The following UNK variants were observed in gnomAD, a reference collection of about 807,000 sequenced individuals.
The protein encoded by UNK is unk zinc finger.
UNK carries 32 observed loss-of-function variants against 97.6 expected under a neutral mutation model. The observed-to-expected ratio is 0.33, with a 90% CI of 0.25 to 0.44. UNK has a LOEUF of 0.44. UNK is among the 20% of genes least tolerant of loss of function. The pLI is 1.00. For missense variants in UNK, 771 were observed against 1,098.4 expected, an observed-to-expected ratio of 0.70 and a Z score of 4.21; for synonymous variants, 441 against 461.2, an observed-to-expected ratio of 0.96 and a Z score of 0.56.
Position 75,822,458 on chromosome 17 carries a change from C to A in UNK, c.1838-19C>A. On this transcript the variant is annotated intron_variant, in intron 13 of 15. Coordinates refer to ENST00000589666, the MANE Select transcript of UNK (RefSeq NM_001080419.3). ...CCCAAAGCCCTCCGGAGCTGATGTT[C>A]TTCCCCTCCTTGGGGCAGGTCTGAA... The A allele has an allele frequency of 6.3e-7, 1 of 1,596,568 alleles. No individual in the cohort carries two copies. The highest frequency in any genetic ancestry group is 8.5e-7 in the Non-Finnish European group (1 of 1,170,264).
chr17:75,812,251 G>T lies in UNK; in HGVS notation c.454G>T (p.Gly152Trp). The T allele has an allele frequency of 6.2e-7, 1 of 1,613,754 alleles. No homozygotes were observed. The highest frequency in any genetic ancestry group is 8.5e-7 in the Non-Finnish European group (1 of 1,179,710). Reference protein sequence around the residue: ...KNGLHCAFAHGPHDLRSPVYD... With the variant: ...KNGLHCAFAHWPHDLRSPVYD... ...CGGCCTGCACTGCGCTTTTGCCCACGGGCCCCATGACCTCCGCTCCCCTGT... is the reference window on the plus strand; with the variant it reads ...CGGCCTGCACTGCGCTTTTGCCCACTGGCCCCATGACCTCCGCTCCCCTGT... Residue 152 changes from glycine to tryptophan, a missense_variant, in exon 3 of 16, where the codon GGG (glycine) becomes TGG (tryptophan). By Grantham distance (184) the Gly-to-Trp change is radical. Transcript: ENST00000589666.
chr17:75,811,382 A>T (rs2061967634), intron 2 of UNK, among the ~76,000 whole-genome samples: 1 of 152,190 alleles, frequency 6.6e-6, no homozygotes, highest in Non-Finnish European at 1.5e-5. Context: ...GAGATTGCAG[A>T]TGTGAGCTAC....
At chr17:75,813,023 C>G in intron 4 of UNK, 55 bp from the exon 5 acceptor site, 1 of 1,528,606 alleles carries the variant, frequency 6.5e-7, no homozygotes, top group African/African-American at 1.4e-5. Flanking sequence ...TCCTGCTAGT[C>G]TTGGGGTGCT....
In UNK at chr17:75,817,830, G is replaced by A. The variant is rs1455901593; in HGVS notation, c.1306-273G>A. ...CCTTCATGGAAAGACAGGGCCTGGGGAAGCAGGACACAGGGGTCCCTAACT... is the reference window on the plus strand; with the variant it reads ...CCTTCATGGAAAGACAGGGCCTGGGAAAGCAGGACACAGGGGTCCCTAACT... On this transcript the variant is annotated intron_variant, in intron 9 of 15. Transcript: ENST00000589666. The surrounding 1 kb of genome is among the most constrained non-coding windows in gnomAD (Gnocchi z 5.8). Among the ~76,000 whole-genome samples the A allele has an allele frequency of 6.6e-6, 1 of 152,126 alleles. No individual in the cohort carries two copies. The highest frequency in any genetic ancestry group is 2.4e-5 in the African/African-American group (1 of 41,414).
intron 15 of UNK, among the ~76,000 whole-genome samples, chr17:75,823,908 C>T (rs2062093863): frequency 6.6e-6 from 1 of 152,218 alleles, no homozygotes; most frequent in Admixed American, 6.5e-5. Flanking sequence ...GCCAACGTGG[C>T]ATGGTGGGAA....
chr17:75,793,897 T>A, intron 1 of UNK: 1 of 985,432 alleles, frequency 1.0e-6, no homozygotes, highest in Non-Finnish European at 1.2e-6. Context: ...TTTAGCATGG[T>A]GTTTTGTGAC....
intron 1 of UNK, among the ~76,000 whole-genome samples, chr17:75,795,074 C>T (rs143668819): frequency 6.6e-6 from 1 of 152,206 alleles, no homozygotes; most frequent in African/African-American, 2.4e-5. Flanking sequence ...TTCTCTCTTC[C>T]ACGTCCACTT....
chr17:75,817,203 C>A lies in UNK; in HGVS notation c.1105-123C>A. The A allele has an allele frequency of 8.4e-7, 1 of 1,192,262 alleles. No individual in the cohort carries two copies. The highest frequency in any genetic ancestry group is 1.2e-6 in the Non-Finnish European group (1 of 863,652). The allele number at this position is 1,192,262 out of a possible 1,614,324, so 73.9% of individuals were successfully genotyped here. On this transcript the variant is annotated intron_variant, in intron 8 of 15. Transcript: ENST00000589666. This position sits in a 1 kb window ranked among gnomAD's most constrained non-coding sequence, Gnocchi z 5.8. ...CGGGCTCCCCGAGTGGTCACTGCTG[C>A]TCGTTGGCAGATGAAAGTGGAACTG...
intron 1 of UNK, chr17:75,792,229 G>C (rs1332890906): frequency 2.2e-6 from 2 of 929,942 alleles, no homozygotes; most frequent in South Asian, 5.0e-5. Flanking sequence ...TAGTGGACTG[G>C]TCTAGTGATT....
In UNK at chr17:75,819,379, G is replaced by C; in HGVS notation, c.1547-305G>C. ...CTGATCCCGGGGCTGAGACCCTTGA[G>C]TTGTAACATCAGGGGACAAGACCCT... On this transcript the variant is annotated intron_variant, in intron 11 of 15. Transcript: ENST00000589666. The surrounding 1 kb of genome is among the most constrained non-coding windows in gnomAD (Gnocchi z 5.4). 2.4e-6 allele frequency: 1 copy of C among 423,640 alleles called. No individual in the cohort carries two copies. The highest frequency in any genetic ancestry group is 4.9e-5 in the East Asian group (1 of 20,370). The allele number at this position is 423,640 out of a possible 1,614,324, so 26.2% of individuals were successfully genotyped here.
Position 75,824,685 on chromosome 17 carries a change from A to T in UNK, c.*268A>T, listed in dbSNP as rs2062102826. On this transcript the variant is annotated 3_prime_UTR_variant, in exon 16 of 16. Coordinates refer to ENST00000589666, the MANE Select transcript of UNK (RefSeq NM_001080419.3). This position sits in a 1 kb window ranked among gnomAD's most constrained non-coding sequence, Gnocchi z 4.9. ...GACTTACCAAGCACTTTTTAAAAGA[A>T]GAAACTATTTTGCAGTCCTCCCCTA... The T allele has an allele frequency of 5.5e-6, 1 of 182,572 alleles. No individual in the cohort carries two copies. Among genetic ancestry groups the T allele is most frequent in the Non-Finnish European group, 1.1e-5 (1 of 90,356 alleles). The allele number at this position is 182,572 out of a possible 1,614,324, so 11.3% of individuals were successfully genotyped here.
chr17:75,794,012 C>G (rs1047743), intron 1 of UNK: 352,527 of 984,550 alleles, frequency 0.36, 71,588 homozygotes, highest in African/African-American at 0.86. Flanking sequence ...AGGTGCCAGG[C>G]ATCTGGTGAC....
At position 75,824,160 on chromosome 17, in the gene UNK, A is replaced by G. The variant is rs2062096388; in HGVS notation, c.2278-102A>G. ...AGCACACTGTTGAGCTCGGTACCTC[A>G]GTTTTCCCATCCCAAGGGGCTGCAG... On this transcript the variant is annotated intron_variant, in intron 15 of 15. Transcript: ENST00000589666. The surrounding 1 kb of genome is among the most constrained non-coding windows in gnomAD (Gnocchi z 4.9). The G allele has an allele frequency of 7.3e-7, 1 of 1,367,026 alleles. No individual in the cohort carries two copies. Among genetic ancestry groups the G allele is most frequent in the African/African-American group, 1.5e-5 (1 of 65,880 alleles). 84.7% of individuals were successfully genotyped at this position (1,367,026 alleles called of 1,614,324 possible). A position where few individuals can be genotyped will look rare whatever the true frequency, so the allele number is the denominator to read the frequency against.
At chr17:75,785,021 G>A (rs1191986540) in intron 1 of UNK, 37 bp downstream of exon 1, 1 of 1,282,520 alleles carries the variant, frequency 7.8e-7, no homozygotes, top group Admixed American at 4.3e-5. Flanking sequence ...GCGCGCGCAC[G>A]CCTGACGTCA....
intron 1 of UNK, among the ~76,000 whole-genome samples, chr17:75,786,789 G>A (rs1243547409): frequency 1.3e-5 from 2 of 152,086 alleles, no homozygotes; most frequent in Non-Finnish European, 2.9e-5. Context: ...CCCGGGAGGC[G>A]GAGGTGGCAG....
chr17:75,802,408 C>T (rs1031328263), intron 1 of UNK, among the ~76,000 whole-genome samples: 1 of 151,612 alleles, frequency 6.6e-6, no homozygotes, highest in African/African-American at 2.4e-5. Context: ...CAGGTGCATG[C>T]CTGGCTTAGT....
Position 75,820,016 on chromosome 17 carries a change from G to A in UNK, c.1745G>A (p.Ser582Asn). ...TCAGCATCCCCGTCCCCTCCCGTCAGCCTCTCCTCGCATTTCCTGCAGCAG... is the reference window on the plus strand; with the variant it reads ...TCAGCATCCCCGTCCCCTCCCGTCAACCTCTCCTCGCATTTCCTGCAGCAG... ...FHSASPSPPV[S>N]LSSHFLQQPQ... is the part of the protein sequence containing the mutation. The change falls in exon 13 of 16, where the codon AGC becomes AAC. Residue 582 changes from serine (S) to asparagine (N), a missense_variant. Ser to Asn is a conservative substitution (Grantham distance 46). Around this residue, in one of 5 missense-constraint regions of UNK, gnomAD observed 91 missense variants for 173.1 expected, o/e 0.53. Transcript: ENST00000589666. 6.2e-7 allele frequency: 1 copy of A among 1,613,910 alleles called. No individual in the cohort carries two copies. Among genetic ancestry groups the A allele is most frequent in the South Asian group, 1.1e-5 (1 of 91,090 alleles).
intron 1 of UNK, chr17:75,785,270 A>C: frequency 2.6e-6 from 1 of 388,732 alleles, no homozygotes; most frequent in African/African-American, 2.1e-5. Flanking sequence ...TTCGAGGCCT[A>C]ACTGTTCCTC....
In UNK at chr17:75,819,965, C is replaced by G. The variant is rs767608864; in HGVS notation, c.1694C>G (p.Ser565Cys). The G allele has an allele frequency of 1.2e-6, 2 of 1,613,178 alleles. No individual in the cohort carries two copies. Among genetic ancestry groups the G allele is most frequent in the Non-Finnish European group, 1.7e-6 (2 of 1,179,458 alleles). Residue 565 changes from serine to cysteine, a missense_variant, in exon 13 of 16, where the codon TCC (serine) becomes TGC (cysteine). Coordinates refer to ENST00000589666, the MANE Select transcript of UNK (RefSeq NM_001080419.3). This position sits in a 1 kb window ranked among gnomAD's most constrained non-coding sequence, Gnocchi z 5.4. ...TCTGCACCCGTGAACATCCCCGGCT[C>G]CTTGGGCAGCTCTGCCTCCTTCCAC... ...QSSAPVNIPG[S>C]LGSSASFHSA...
Sources: gnomAD v4.1 joint callset for allele counts (sites outside exome capture counted in the v4.1 genomes callset) on GRCh38, gnomAD v4.1.1 for gene constraint, gnomAD v4.1.1 regional missense constraint, Gnocchi (gnomAD v3.1) non-coding constraint, MANE v1.5 for transcripts, NCBI Gene and HGNC (gene_info 2026-07-23, HGNC 2026-07-21) for gene names.